The following DOCK3 variants were observed in gnomAD, a reference collection of about 807,000 sequenced individuals.
DOCK3 encodes dedicator of cytokinesis protein 3.
A neutral mutation model predicts 265.6 loss-of-function variants in DOCK3; 60 were observed. The ratio of observed to expected loss-of-function variants is 0.23; its 90% confidence interval spans 0.18 to 0.28. DOCK3 has a LOEUF of 0.28. DOCK3 is among the 10% of genes least tolerant of loss of function. DOCK3 has a pLI of 1.00. For missense variants in DOCK3, 1,981 were observed against 2,594.3 expected (o/e 0.76, Z 5.14); for synonymous variants, 881 against 938.0 (o/e 0.94, Z 1.11).
chr3:50,681,700 G>A (rs983995018), intron 1 of DOCK3, among the ~76,000 whole-genome samples: 2 of 152,202 alleles, frequency 1.3e-5, no homozygotes, highest in African/African-American at 4.8e-5. Context: ...GTTGGGAAAT[G>A]TCATTCAGAA....
At position 51,182,363 on chromosome 3, in the gene DOCK3, A is replaced by G. The variant is rs181505469; in HGVS notation, c.1037+21661A>G. ...CGATTAGGAAGGGCCAGTTGCTGCT[A>G]TTAGGTTGGTGCAAAAGTAATTGTG... is the stretch of plus-strand genomic sequence containing the variant. On this transcript the variant is annotated intron_variant, in intron 12 of 52. Coordinates refer to ENST00000266037, the MANE Select transcript of DOCK3 (RefSeq NM_004947.5). Among the ~76,000 whole-genome samples the G allele has an allele frequency of 8.7e-4, 133 of 152,308 alleles. 1 individual carries two copies. The highest frequency in any genetic ancestry group is 2.8e-3 in the Admixed American group (43 of 15,300).
intron 5 of DOCK3, among the ~76,000 whole-genome samples, chr3:51,005,696 C>T (rs1410471974): frequency 6.6e-6 from 1 of 152,022 alleles, no homozygotes; most frequent in Non-Finnish European, 1.5e-5. Context: ...TAAATCTGAC[C>T]ACTTACCACC....
At chr3:50,890,166 A>G in intron 4 of DOCK3, 85 bp downstream of exon 4, 1 of 1,076,776 alleles carries the variant, frequency 9.3e-7, no homozygotes, top group East Asian at 3.2e-5. Context: ...CATAGTATAA[A>G]ATATACAATT....
At chr3:50,817,316 T>C (rs2044143066) in intron 2 of DOCK3, among the ~76,000 whole-genome samples, 1 of 152,200 alleles carries the variant, frequency 6.6e-6, no homozygotes, top group African/African-American at 2.4e-5. Context: ...TTTAGCCTTA[T>C]TTTACCCAGC....
intron 3 of DOCK3, among the ~76,000 whole-genome samples, chr3:50,888,708 A>C (rs556806570): frequency 6.6e-6 from 1 of 152,156 alleles, no homozygotes; most frequent in Admixed American, 6.6e-5. Context: ...ATAACTCCGC[A>C]TATCTACAAC....
At position 50,888,373 on chromosome 3, in the gene DOCK3, A is replaced by G. The variant is rs565622534; in HGVS notation, c.163-1653A>G. Among the ~76,000 whole-genome samples the G allele has an allele frequency of 3.9e-5, 6 of 152,320 alleles. No homozygotes were observed. The South Asian group carries it at 1.0e-3, about 26-fold the overall frequency. Reference sequence around the variant, plus strand: ...AGGAAATAAGAGAGGATACAAATAAATGGAAAAACATTCCATGCTCATGGG... The same window carrying G: ...AGGAAATAAGAGAGGATACAAATAAGTGGAAAAACATTCCATGCTCATGGG... On this transcript the variant is annotated intron_variant, in intron 3 of 52. Transcript: ENST00000266037.
At chr3:51,121,084 G>A (rs773732406) in intron 9 of DOCK3, among the ~76,000 whole-genome samples, 5 of 152,096 alleles carry the variant, frequency 3.3e-5, no homozygotes, top group South Asian at 4.1e-4. Context: ...CCAAACAGCC[G>A]CCCAGTTTTG....
intron 5 of DOCK3, among the ~76,000 whole-genome samples, chr3:50,940,319 A>C (rs1403606757): frequency 6.6e-6 from 1 of 151,876 alleles, no homozygotes; most frequent in Non-Finnish European, 1.5e-5. Context: ...GAAGAAGGAA[A>C]ACAAAGAAAC....
At chr3:50,930,679 C>T (rs1037299996) in intron 4 of DOCK3, among the ~76,000 whole-genome samples, 5 of 152,198 alleles carry the variant, frequency 3.3e-5, no homozygotes, top group African/African-American at 1.2e-4. Flanking sequence ...CCAGGGTGGG[C>T]ACCTCTGGGA....
At chr3:51,357,269 T>A in intron 44 of DOCK3, 128 bp downstream of exon 44, 1 of 1,064,764 alleles carries the variant, frequency 9.4e-7, no homozygotes, top group Non-Finnish European at 1.3e-6. Context: ...GACATGGTCC[T>A]GGAATGAGGC....
chr3:51,308,008 A>G (rs1229175106), intron 27 of DOCK3, among the ~76,000 whole-genome samples: 4 of 151,430 alleles, frequency 2.6e-5, no homozygotes, highest in Non-Finnish European at 5.9e-5. Flanking sequence ...GAAGCTGCCA[A>G]GCAGGTCAAA....
intron 12 of DOCK3, among the ~76,000 whole-genome samples, chr3:51,188,482 A>C (rs1267225779): frequency 4.6e-5 from 7 of 152,198 alleles, no homozygotes; most frequent in Admixed American, 4.6e-4. Context: ...AGTACAATAC[A>C]TTTTTGTTAA....
chr3:51,117,690 G>A (rs931689463), intron 9 of DOCK3, among the ~76,000 whole-genome samples: 1 of 152,168 alleles, frequency 6.6e-6, no homozygotes, highest in Non-Finnish European at 1.5e-5. Flanking sequence ...TTAGTCTTGG[G>A]AGAGTGTATG....
At chr3:51,317,143 T>G (rs1231032778) in intron 32 of DOCK3, among the ~76,000 whole-genome samples, 1 of 151,954 alleles carries the variant, frequency 6.6e-6, no homozygotes, top group Non-Finnish European at 1.5e-5. Context: ...GTATAAGGTA[T>G]GAAGGATGGA....
At position 51,280,171 on chromosome 3, in the gene DOCK3, C is replaced by T. The variant is rs781347242; in HGVS notation, c.2889C>T (p.Leu963=). The T allele has an allele frequency of 4.3e-6, 7 of 1,613,748 alleles. No individual in the cohort carries two copies. Among genetic ancestry groups the T allele is most frequent in the Non-Finnish European group, 5.9e-6 (7 of 1,179,856 alleles). The stretch of plus-strand genomic sequence containing the variant: ...TGTGTGACACCCATTTCCAGCACCT[C>T]CTGGACAACTTCCAGAGCAAAGATG... ...RQMCDTHFQH[L]LDNFQSKDEL... Residue 963 remains leucine (L), a synonymous_variant, in exon 27 of 53, where the codon CTC becomes CTT. Transcript: ENST00000266037.
At chr3:50,679,072 C>T (rs1047940578) in intron 1 of DOCK3, among the ~76,000 whole-genome samples, 1 of 152,206 alleles carries the variant, frequency 6.6e-6, no homozygotes, top group African/African-American at 2.4e-5. Context: ...CTCGGCCTCC[C>T]GAAGTGCTGG....
intron 7 of DOCK3, among the ~76,000 whole-genome samples, chr3:51,087,116 C>G (rs933947695): frequency 2.0e-5 from 3 of 152,164 alleles, no homozygotes; most frequent in Admixed American, 2.0e-4. Context: ...TTCATCCTAA[C>G]TCATTCTATG....
chr3:50,883,795 G>T (rs2048184263), intron 3 of DOCK3, among the ~76,000 whole-genome samples: 1 of 152,056 alleles, frequency 6.6e-6, no homozygotes, highest in Non-Finnish European at 1.5e-5. Flanking sequence ...TTTAGTACAT[G>T]CATAATGTTT....
intron 6 of DOCK3, among the ~76,000 whole-genome samples, chr3:51,071,177 A>C (rs1575966909): frequency 6.6e-6 from 1 of 152,344 alleles, no homozygotes; most frequent in South Asian, 2.1e-4. Context: ...AGGGTCTCAG[A>C]GAGCTCCATC....
Sources: gnomAD v4.1 joint callset for allele counts (sites outside exome capture counted in the v4.1 genomes callset) on GRCh38, gnomAD v4.1.1 for gene constraint, MANE v1.5 for transcripts, NCBI Gene and HGNC (gene_info 2026-07-23, HGNC 2026-07-21) for gene names.